Variants in CERS4 observed in about 807,000 individuals in gnomAD.
CERS4 encodes the protein ceramide synthase 4.
Under a neutral mutation model 51.8 loss-of-function variants are expected in CERS4, and 65 were observed. The observed-to-expected ratio is 1.26, with a 90% confidence interval of 1.03 to 1.54. The LOEUF is 1.54. CERS4 is among the 40% of genes most tolerant of loss of function. CERS4 has a pLI of 0.00. For synonymous variants in CERS4, 228 were observed against 208.4 expected (o/e 1.09, Z -0.81); for missense variants, 563 against 500.4 (o/e 1.13, Z -1.19).
intron 4 of CERS4, 132 bp from the exon 5 acceptor site, chr19:8,255,475 A>C (rs1313791941): frequency 1.3e-6 from 1 of 791,858 alleles, no homozygotes; most frequent in East Asian, 2.5e-5. Flanking sequence ...CTGCCCCTCC[A>C]TATAGACATG....
chr19:8,211,379 C>T (rs1967078833), intron 2 of CERS4, among the ~76,000 whole-genome samples: 1 of 152,124 alleles, frequency 6.6e-6, no homozygotes, highest in Admixed American at 6.6e-5. Flanking sequence ...TGGGCTTGAG[C>T]CTGACCACCC....
rs773195742 is a variant in CERS4 at position 8,261,972 on chromosome 19, A to C, written c.1048A>C (p.Ser350Arg). ...TAGTGATGTAGAAGAATCAGACTCC[A>C]GTGAGGAGGCGGCGGCGGCCCAGGA... ...IRSDVEESDSSEEAAAAQEPL... is the reference protein window; with the variant it reads ...IRSDVEESDSREEAAAAQEPL... Residue 350 changes from serine to arginine, a missense_variant, in exon 12 of 12, where the codon AGT (serine) becomes CGT (arginine). Ser to Arg is a moderately radical substitution (Grantham distance 110). Coordinates refer to ENST00000251363, the MANE Select transcript of CERS4 (RefSeq NM_024552.3). 6.2e-7 allele frequency: 1 copy of C among 1,603,902 alleles called. No individual in the cohort carries two copies.
chr19:8,255,385 G>A (rs575240309), intron 4 of CERS4, among the ~76,000 whole-genome samples: 3 of 152,120 alleles, frequency 2.0e-5, no homozygotes, highest in Non-Finnish European at 2.9e-5. Flanking sequence ...CCCCGTCAGC[G>A]ACCTGCCTGC....
In CERS4 at chr19:8,251,161, G is replaced by A. The variant is rs1426906088; in HGVS notation, c.85G>A (p.Asp29Asn). The change falls in exon 3 of 12, where the codon GAT (aspartate) becomes AAT (asparagine). Residue 29 changes from aspartate (D) to asparagine (N), a missense_variant. Asp to Asn is a conservative substitution (Grantham distance 23, BLOSUM62 1). Transcript: ENST00000251363. ...NVTWTELEDR[D>N]GRVYPHPQDL... is the part of the protein sequence containing the mutation. ...CACGTGGACAGAGCTAGAAGACCGG[G>A]ATGGCCGTGTCTACCCCCACCCCCA... 6.2e-7 allele frequency: 1 copy of A among 1,613,626 alleles called. No individual in the cohort carries two copies. Among genetic ancestry groups the A allele is most frequent in the South Asian group, 1.1e-5 (1 of 90,886 alleles).
Position 8,257,913 on chromosome 19 carries a change from A to T in CERS4, c.776A>T (p.Gln259Leu). ...ATGGTCAACTACATGCAGTATCAGC[A>T]AGTGTGCGACGCTCTCTTCCTCATC... ...CKMVNYMQYQ[Q>L]VCDALFLIFS... The change falls in exon 10 of 12, where the codon CAA becomes CTA. Residue 259 changes from glutamine to leucine, a missense_variant. Physicochemically the swap from Gln to Leu is moderately radical, Grantham distance 113. Transcript: ENST00000251363. The T allele has an allele frequency of 1.2e-6, 2 of 1,613,838 alleles. No individual in the cohort carries two copies. Among genetic ancestry groups the T allele is most frequent in the African/African-American group, 2.7e-5 (2 of 74,948 alleles).
At chr19:8,209,998 C>G (rs1276037317) in intron 1 of CERS4, 1 of 152,680 alleles carries the variant, frequency 6.5e-6, no homozygotes, top group Non-Finnish European at 1.5e-5. Context: ...CCTGGTTGGA[C>G]CAGCCAGCGA....
At chr19:8,237,956 A>G (rs899848117) in intron 2 of CERS4, among the ~76,000 whole-genome samples, 2 of 152,074 alleles carry the variant, frequency 1.3e-5, no homozygotes, top group South Asian at 4.1e-4. Context: ...TTTTTTTACC[A>G]TTAATAGCCC....
chr19:8,243,702 G>C (rs974597950), intron 2 of CERS4, among the ~76,000 whole-genome samples: 12 of 150,586 alleles, frequency 8.0e-5, no homozygotes, highest in African/African-American at 2.9e-4. Context: ...CTGATAGATA[G>C]AGGATTCCAT....
intron 2 of CERS4, among the ~76,000 whole-genome samples, chr19:8,243,687 C>T (rs1968636219): frequency 1.3e-5 from 2 of 151,732 alleles, no homozygotes; most frequent in East Asian, 3.9e-4. Context: ...CTTGTTGACC[C>T]CTTGCTGATA....
chr19:8,250,984 G>A, intron 2 of CERS4, 92 bp from the exon 3 acceptor site: 1 of 1,492,438 alleles, frequency 6.7e-7, no homozygotes, highest in Non-Finnish European at 8.9e-7. Flanking sequence ...AGGGGCCCGA[G>A]TAGGAGTTCT....
chr19:8,256,431 G>T, intron 7 of CERS4, 145 bp downstream of exon 7: 1 of 998,432 alleles, frequency 1.0e-6, no homozygotes, highest in Non-Finnish European at 1.4e-6. Context: ...GGGGAATAGA[G>T]AGGGGCCAGA....
chr19:8,250,385 T>G (rs993310561), intron 2 of CERS4: 2 of 152,286 alleles, frequency 1.3e-5, no homozygotes, highest in African/African-American at 4.8e-5. Flanking sequence ...TTATTATTAC[T>G]CTTGTTAAAG....
intron 2 of CERS4, among the ~76,000 whole-genome samples, chr19:8,212,266 C>T (rs909710893): frequency 1.3e-5 from 2 of 152,098 alleles, no homozygotes. Flanking sequence ...GGGACTGCAC[C>T]AGGCCAGGGG....
rs1969735209 is a variant in CERS4, at chr19:8,262,025, T to C, written c.1101T>C (p.Ala367=). Reference sequence around the variant, plus strand: ...CTCTGCAGCTAAAGAACGGGGCAGCTGGAGGGCCCAGGCCAGCCCCCACTG... The same window carrying C: ...CTCTGCAGCTAAAGAACGGGGCAGCCGGAGGGCCCAGGCCAGCCCCCACTG... The part of the protein sequence containing the change: ...QEPLQLKNGA[A]GGPRPAPTDG... Residue 367 remains alanine, a synonymous_variant, in exon 12 of 12, where the codon GCT becomes GCC. Transcript: ENST00000251363. 1 of 1,578,066 alleles carries C rather than the reference T, an allele frequency of 6.3e-7. No homozygotes were observed. The highest frequency in any genetic ancestry group is 8.6e-7 in the Non-Finnish European group (1 of 1,164,232).
chr19:8,212,759 C>T (rs1967132020), intron 2 of CERS4, among the ~76,000 whole-genome samples: 1 of 150,618 alleles, frequency 6.6e-6, no homozygotes. Context: ...CTGCCTCAGC[C>T]TCCTGAGTAG....
chr19:8,249,982 A>G (rs1441335352), intron 2 of CERS4, among the ~76,000 whole-genome samples: 1 of 150,428 alleles, frequency 6.6e-6, no homozygotes, highest in Admixed American at 6.7e-5. Flanking sequence ...TGAGGACTCA[A>G]GTTCTTTTTT....
chr19:8,261,430 C>T, intron 10 of CERS4: 1 of 510,390 alleles, frequency 2.0e-6, no homozygotes, highest in South Asian at 2.6e-5. Flanking sequence ...CAGCTGAGTT[C>T]ATAAGTACCC....
chr19:8,242,980 G>A (rs951715481), intron 2 of CERS4, among the ~76,000 whole-genome samples: 3 of 51,034 alleles, frequency 5.9e-5, no homozygotes, highest in Middle Eastern at 0.016. Flanking sequence ...ATGGAGCTGG[G>A]GGTCTGGATG....
intron 2 of CERS4, among the ~76,000 whole-genome samples, chr19:8,220,906 C>T (rs1967508329): frequency 6.6e-6 from 1 of 151,746 alleles, no homozygotes. Flanking sequence ...ACTGCAAGCT[C>T]TGCCTCCTGG....
Sources: gnomAD v4.1 joint callset for allele counts (sites outside exome capture counted in the v4.1 genomes callset) on GRCh38, gnomAD v4.1.1 for gene constraint, MANE v1.5 for transcripts, NCBI Gene and HGNC (gene_info 2026-07-23, HGNC 2026-07-21) for gene names.